FTO: variants seen among roughly 807,000 people sequenced by gnomAD.
The protein encoded by FTO is FTO alpha-ketoglutarate dependent dioxygenase.
In FTO, 47 loss-of-function variants were observed where a neutral mutation model predicts 63.9. That is an observed-to-expected ratio of 0.74 (90% CI 0.58 to 0.94). FTO has a LOEUF of 0.94. FTO is among the 40% of genes least tolerant of loss of function. The pLI is 0.00. For synonymous variants in FTO, 207 were observed against 224.4 expected (o/e 0.92, Z 0.69); for missense variants, 562 against 618.1 (o/e 0.91, Z 0.96).
chr16:53,839,769 CTTTTTTTTTATTTATTTATT>C (rs1422979582), intron 3 of FTO, among the ~76,000 whole-genome samples: 2 of 144,152 alleles, frequency 1.4e-5, no homozygotes, highest in South Asian at 2.1e-4. Flanking sequence ...AATTGGTTTT[CTTTTTTTTTATTTATTTATT>C]TATTTATTTA....
At chr16:53,969,264 A>G (rs1177660187) in intron 8 of FTO, among the ~76,000 whole-genome samples, 1 of 151,050 alleles carries the variant, frequency 6.6e-6, no homozygotes, top group Non-Finnish European at 1.5e-5. Context: ...GATATTGTTA[A>G]TTAAAGGACA....
At chr16:54,019,381 GCCT>G (rs1439611524) in intron 8 of FTO, among the ~76,000 whole-genome samples, 16 of 152,204 alleles carry the variant, frequency 1.1e-4, no homozygotes, top group Non-Finnish European at 5.9e-5. Flanking sequence ...CACCAACAGT[GCCT>G]CCCATAGGCA....
At chr16:53,853,469 C>T (rs1276840103) in intron 4 of FTO, among the ~76,000 whole-genome samples, 2 of 151,936 alleles carry the variant, frequency 1.3e-5, no homozygotes, top group Non-Finnish European at 2.9e-5. Context: ...CCATCACCCC[C>T]CTCCCATCCT....
chr16:53,987,632 C>T (rs1466241404), intron 8 of FTO, among the ~76,000 whole-genome samples: 2 of 151,568 alleles, frequency 1.3e-5, no homozygotes, highest in African/African-American at 2.4e-5. Flanking sequence ...TGGCTTCCCC[C>T]CATTCTATGG....
intron 8 of FTO, among the ~76,000 whole-genome samples, chr16:53,975,668 CA>C (rs11388323): frequency 0.054 from 8,020 of 147,536 alleles, 309 homozygotes; most frequent in South Asian, 0.13. Context: ...CTACAGTCCT[CA>C]AAAAAAAAAG....
chr16:53,934,928 T>C (rs1351952272), intron 8 of FTO, among the ~76,000 whole-genome samples: 2 of 152,226 alleles, frequency 1.3e-5, no homozygotes, highest in East Asian at 3.8e-4. Flanking sequence ...ACCTGGTCTC[T>C]TTCCATAGAG....
At position 54,098,185 on chromosome 16, in the gene FTO, T is replaced by C. The variant is rs76289127; in HGVS notation, c.1365-13577T>C. Among the ~76,000 whole-genome samples, 431 of 152,324 alleles carry C rather than the reference T, an allele frequency of 2.8e-3. 5 individuals carry two copies. The East Asian group carries it at 0.029, about 10-fold the overall frequency. ...AGTTTAATTCATCAGAAGACTGATA[T>C]GATCTTTATAAATTAGCATTTTTCT... On this transcript the variant is annotated intron_variant, in intron 8 of 8. Coordinates refer to ENST00000471389, the MANE Select transcript of FTO (RefSeq NM_001080432.3).
intron 8 of FTO, among the ~76,000 whole-genome samples, chr16:54,085,358 T>C (rs2086235442): frequency 6.6e-6 from 1 of 152,216 alleles, no homozygotes; most frequent in Non-Finnish European, 1.5e-5. Context: ...AAAAACACTT[T>C]GTCTTCTGCA....
At chr16:53,920,601 C>T (rs2081984881) in intron 7 of FTO, among the ~76,000 whole-genome samples, 1 of 152,106 alleles carries the variant, frequency 6.6e-6, no homozygotes, top group African/African-American at 2.4e-5. Flanking sequence ...GCTTAATGTT[C>T]CAAAGCATCT....
chr16:53,733,468 T>C (rs2076318762), intron 1 of FTO, among the ~76,000 whole-genome samples: 1 of 152,122 alleles, frequency 6.6e-6, no homozygotes, highest in Non-Finnish European at 1.5e-5. Flanking sequence ...GTACAGTTGA[T>C]AGGCTCTGAG....
chr16:53,731,729 C>T (rs376766641), intron 1 of FTO, among the ~76,000 whole-genome samples: 58 of 150,156 alleles, frequency 3.9e-4, no homozygotes, highest in African/African-American at 1.4e-3. Flanking sequence ...TGCGCCACCA[C>T]GCCCAACTAA....
At chr16:54,052,954 A>T (rs977085453) in intron 8 of FTO, among the ~76,000 whole-genome samples, 1 of 152,120 alleles carries the variant, frequency 6.6e-6, no homozygotes, top group African/African-American at 2.4e-5. Flanking sequence ...CACCCACCTC[A>T]GCCTCCCAAA....
intron 8 of FTO, chr16:54,008,665 T>G (rs928080805): frequency 1.3e-5 from 2 of 152,022 alleles, no homozygotes; most frequent in Admixed American, 1.3e-4. Flanking sequence ...GCCAAATTAT[T>G]GCCCTTGTTA....
chr16:53,774,609 A>G (rs1344334554), intron 1 of FTO, among the ~76,000 whole-genome samples: 1 of 152,114 alleles, frequency 6.6e-6, no homozygotes, highest in Non-Finnish European at 1.5e-5. Context: ...AACCCTTTAT[A>G]TATGTCTGGA....
chr16:53,723,020 T>C (rs2076077419), intron 1 of FTO, among the ~76,000 whole-genome samples: 1 of 152,184 alleles, frequency 6.6e-6, no homozygotes, highest in Non-Finnish European at 1.5e-5. Flanking sequence ...CTTCCTCCTG[T>C]TTTTATTTAA....
chr16:53,968,811 G>A (rs2143704600), intron 8 of FTO, among the ~76,000 whole-genome samples: 1 of 152,286 alleles, frequency 6.6e-6, no homozygotes, highest in Middle Eastern at 3.4e-3. Flanking sequence ...CTGGTGGGAT[G>A]TTTTCAATAT....
intron 4 of FTO, among the ~76,000 whole-genome samples, chr16:53,870,120 G>A (rs116070554): frequency 0.011 from 1,662 of 152,126 alleles, 35 homozygotes; most frequent in African/African-American, 0.038. Flanking sequence ...CAATAGGATG[G>A]CTAGCAGGGG....
intron 7 of FTO, among the ~76,000 whole-genome samples, chr16:53,914,993 C>T (rs1352088091): frequency 9.2e-5 from 14 of 152,100 alleles, no homozygotes; most frequent in Admixed American, 7.2e-4. Flanking sequence ...AATGGGGGCC[C>T]CAAGCGTTCA....
rs2086979660 is a variant in FTO at position 54,117,162 on chromosome 16, T to C, written c.*5247T>C. The stretch of plus-strand genomic sequence containing the variant: ...TGTGTGTGATTCTCACTCTACCACC[T>C]CTTCAAACCTTTGTTGTCTTATCTA... On this transcript the variant is annotated 3_prime_UTR_variant, in exon 9 of 9. Transcript: ENST00000471389. The C allele has an allele frequency of 6.6e-6, 1 of 152,258 alleles. No individual in the cohort carries two copies. The allele number at this position is 152,258 out of a possible 1,614,324, so 9.4% of individuals were successfully genotyped here.
Sources: gnomAD v4.1 joint callset for allele counts (sites outside exome capture counted in the v4.1 genomes callset) on GRCh38, gnomAD v4.1.1 for gene constraint, MANE v1.5 for transcripts, NCBI Gene and HGNC (gene_info 2026-07-23, HGNC 2026-07-21) for gene names.